The following NOTCH2 variants were observed in gnomAD, a reference collection of about 807,000 sequenced individuals.
NOTCH2 encodes neurogenic locus notch homolog protein 2.
In NOTCH2, 29 loss-of-function variants were observed where a neutral mutation model predicts 235.8. That is an observed-to-expected ratio of 0.12 (90% CI 0.09 to 0.17). The LOEUF (loss-of-function observed/expected upper bound fraction) is 0.17, where lower values mean the gene tolerates loss of function less well. NOTCH2 is among the 10% of genes least tolerant of loss of function. The probability of loss-of-function intolerance (pLI) is 1.00; values close to 1 mark genes in which losing one functional copy is unlikely to be tolerated. For missense variants in NOTCH2, 2,285 were observed against 3,150.2 expected (o/e 0.73, Z 6.57); for synonymous variants, 1,086 against 1,141.5 (o/e 0.95, Z 0.98).
chr1:119,920,439 C>A, intron 29 of NOTCH2, 42 bp from the exon 30 acceptor site: 1 of 1,608,870 alleles, frequency 6.2e-7, no homozygotes. Context: ...CTGGCCACCA[C>A]CAGAAACTGC....
intron 2 of NOTCH2, among the ~76,000 whole-genome samples, chr1:120,024,775 T>C (rs1553209618): frequency 2.0e-5 from 3 of 152,236 alleles, no homozygotes; most frequent in Admixed American, 6.5e-5. Context: ...TTACAAACAC[T>C]ACGTTAGATA....
chr1:120,067,652 C>T (rs1246112107), intron 1 of NOTCH2, among the ~76,000 whole-genome samples: 1 of 152,234 alleles, frequency 6.6e-6, no homozygotes, highest in Non-Finnish European at 1.5e-5. Context: ...TTATTACCCT[C>T]AGACTGTCTC....
chr1:119,998,684 T>TA (rs1553204713), intron 3 of NOTCH2, among the ~76,000 whole-genome samples: 3 of 152,076 alleles, frequency 2.0e-5, no homozygotes, highest in Non-Finnish European at 4.4e-5. Context: ...CTCCTTGAAT[T>TA]TTTATTATTA....
intron 11 of NOTCH2, among the ~76,000 whole-genome samples, chr1:119,962,980 G>A (rs938046779): frequency 1.3e-5 from 2 of 152,174 alleles, no homozygotes; most frequent in Non-Finnish European, 2.9e-5. Context: ...GATGAACTCC[G>A]AGGATAGGAA....
At chr1:119,924,702 T>C (rs1262774170) in intron 25 of NOTCH2, among the ~76,000 whole-genome samples, 1 of 152,202 alleles carries the variant, frequency 6.6e-6, no homozygotes, top group Non-Finnish European at 1.5e-5. Flanking sequence ...AGAAACAACT[T>C]GCTTTGGCAA....
Position 119,935,028 on chromosome 1 carries a change from T to C in NOTCH2, c.3655+444A>G, listed in dbSNP as rs186337101. The C allele has an allele frequency of 5.7e-6, 5 of 881,978 alleles. No homozygotes were observed. In the Admixed American group the frequency reaches 1.9e-4, roughly 33 times the overall value. The allele number at this position is 881,978 out of a possible 1,614,324, so 54.6% of individuals were successfully genotyped here. ...CCATCAGTATCCTCCCCTGAAGCTATGAAAATAGGCAGATATTTTCATTTC... is the reference window on the plus strand; with the variant it reads ...CCATCAGTATCCTCCCCTGAAGCTACGAAAATAGGCAGATATTTTCATTTC... On this transcript the variant is annotated intron_variant, in intron 22 of 33. Coordinates refer to ENST00000256646, the MANE Select transcript of NOTCH2 (RefSeq NM_024408.4).
At chr1:119,952,397 T>C (rs1337240589) in intron 14 of NOTCH2, among the ~76,000 whole-genome samples, 1 of 152,184 alleles carries the variant, frequency 6.6e-6, no homozygotes, top group East Asian at 1.9e-4. Flanking sequence ...TAATATACAA[T>C]GAAGTAGTTT....
chr1:119,926,286 G>T (rs1028477904), intron 24 of NOTCH2, among the ~76,000 whole-genome samples: 1 of 152,164 alleles, frequency 6.6e-6, no homozygotes, highest in African/African-American at 2.4e-5. Context: ...ACTGTTTCTG[G>T]GAGTGTCTAA....
chr1:119,986,972 G>A lies in NOTCH2; in HGVS notation c.862C>T (p.Pro288Ser), dbSNP rs1553202289. The A allele has an allele frequency of 6.2e-7, 1 of 1,613,614 alleles. No individual in the cohort carries two copies. Among genetic ancestry groups the A allele is most frequent in the Non-Finnish European group, 8.5e-7 (1 of 1,179,616 alleles). The stretch of plus-strand genomic sequence containing the variant: ...ACACTGTACATACCTGTCCATTGTG[G>A]GGGACAGCGGCAGTTGTAAGTGTTG... ...GVNTYNCRCP[P>S]QWTGQFCTED... is the part of the protein sequence containing the mutation. Residue 288 changes from proline (P) to serine (S), a missense_variant, in exon 5 of 34, where the codon CCA becomes TCA. Pro to Ser is a moderately conservative substitution (Grantham distance 74, BLOSUM62 -1). Around this residue, in one of 6 missense-constraint regions of NOTCH2, gnomAD observed 431 missense variants for 757.8 expected, o/e 0.57. Transcript: ENST00000256646.
chr1:119,919,251 C>T lies in NOTCH2; in HGVS notation c.5781+61G>A, dbSNP rs140917652. On this transcript the variant is annotated intron_variant, in intron 31 of 33. Transcript: ENST00000256646. ...CAATGAGATATTAATTCTTTAAAAA[C>T]GATAAAACATTATAGAGCCATAGGA... 2.9e-4 allele frequency: 434 copies of T among 1,494,024 alleles called. 1 individual carries two copies. Among genetic ancestry groups the T allele is most frequent in the Admixed American group, 1.9e-3 (114 of 59,838 alleles). 92.5% of individuals were successfully genotyped at this position (1,494,024 alleles called of 1,614,324 possible). A position where few individuals can be genotyped will look rare whatever the true frequency, so the allele number is the denominator to read the frequency against.
chr1:119,919,971 T>C (rs1211336536), intron 30 of NOTCH2, among the ~76,000 whole-genome samples: 1 of 152,266 alleles, frequency 6.6e-6, no homozygotes, highest in Non-Finnish European at 1.5e-5. Context: ...ATTATTTTTC[T>C]ATCCCACTAC....
intron 5 of NOTCH2, among the ~76,000 whole-genome samples, chr1:119,971,482 A>G (rs1488481980): frequency 6.6e-6 from 1 of 152,232 alleles, no homozygotes; most frequent in African/African-American, 2.4e-5. Flanking sequence ...TAGACCAAAA[A>G]GATGAGGAGG....
In NOTCH2 at chr1:119,916,443, G is replaced by A. The variant is rs1425019919; in HGVS notation, c.6279C>T (p.Ser2093=). ...TCTTGCCCATTGGGGTGTGCTTCAG[G>A]CTGAGGAAAGATCTGTTGGGCCCAC... ...VICGPNRSFL[S]LKHTPMGKKS... Residue 2093 remains serine (S), a synonymous_variant, in exon 34 of 34, where the codon AGC becomes AGT. Transcript: ENST00000256646. 1 of 1,613,868 alleles carries A rather than the reference G, an allele frequency of 6.2e-7. No homozygotes were observed. The highest frequency in any genetic ancestry group is 1.1e-5 in the South Asian group (1 of 91,082).
At chr1:119,953,265 C>A (rs1332554106) in intron 14 of NOTCH2, among the ~76,000 whole-genome samples, 1 of 151,542 alleles carries the variant, frequency 6.6e-6, no homozygotes, top group Non-Finnish European at 1.5e-5. Flanking sequence ...GAGCCAAGAT[C>A]ACGCACCATT....
At position 119,914,485 on chromosome 1, in the gene NOTCH2, T is replaced by C. The variant is rs145359192; in HGVS notation, c.*821A>G. 7.5e-4 allele frequency: 175 copies of C among 233,414 alleles called. 2 individuals are homozygous for C. In the South Asian group the frequency reaches 0.011, roughly 14 times the overall value. The allele number at this position is 233,414 out of a possible 1,614,324, so 14.5% of individuals were successfully genotyped here. A position where few individuals can be genotyped will look rare whatever the true frequency, so the allele number is the denominator to read the frequency against. On this transcript the variant is annotated 3_prime_UTR_variant, in exon 34 of 34. Coordinates refer to ENST00000256646, the MANE Select transcript of NOTCH2 (RefSeq NM_024408.4). The stretch of plus-strand genomic sequence containing the variant: ...ACACCCTTCTTCCTGGTAAAGTTTA[T>C]ATGAAGACCTGCACACAGACAAGAA...
intron 23 of NOTCH2, 66 bp downstream of exon 23, chr1:119,928,910 G>A (rs1163880955): frequency 6.6e-6 from 9 of 1,354,918 alleles, no homozygotes; most frequent in Non-Finnish European, 9.5e-6. Context: ...CAACTCACAG[G>A]GCCCAATTTG....
At chr1:119,925,863 T>C (rs1557806894) in intron 24 of NOTCH2, 53 bp from the exon 25 acceptor site, 4 of 1,604,884 alleles carry the variant, frequency 2.5e-6, no homozygotes, top group African/African-American at 2.7e-5. Context: ...AACAGTCATA[T>C]TGGAAGTTTG....
At position 120,005,459 on chromosome 1, in the gene NOTCH2, C is replaced by G; in HGVS notation, c.285G>C (p.Gly95=). The change falls in exon 3 of 34, where the codon GGG becomes GGC. Residue 95 remains glycine, a synonymous_variant. Transcript: ENST00000256646. ...LGKATCRCAS[G]FTGEDCQYST... ...AGTACTGGCAGTCCTCTCCTGTAAA[C>G]CCTGAGGCACATCGGCACGTGGCTT... 6.2e-7 allele frequency: 1 copy of G among 1,613,828 alleles called. No individual in the cohort carries two copies. The highest frequency in any genetic ancestry group is 1.7e-5 in the Admixed American group (1 of 60,012).
chr1:120,015,126 AT>A (rs1553207730), intron 2 of NOTCH2, among the ~76,000 whole-genome samples: 1 of 152,068 alleles, frequency 6.6e-6, no homozygotes, highest in Admixed American at 6.6e-5. Flanking sequence ...CAAAATCATG[AT>A]TTTTAAAAAA....
Sources: gnomAD v4.1 joint callset for allele counts (sites outside exome capture counted in the v4.1 genomes callset) on GRCh38, gnomAD v4.1.1 for gene constraint, gnomAD v4.1.1 regional missense constraint, MANE v1.5 for transcripts, NCBI Gene and HGNC (gene_info 2026-07-23, HGNC 2026-07-21) for gene names.